Variants in MRM1 observed in about 807,000 individuals in gnomAD.
MRM1 encodes mitochondrial rRNA methyltransferase 1.
MRM1 carries 24 observed loss-of-function variants against 25.0 expected under a neutral mutation model. The observed-to-expected ratio is 0.96, with a 90% CI of 0.69 to 1.35. The LOEUF is 1.35. MRM1 is among the 40% of genes most tolerant of loss of function. The probability of loss-of-function intolerance (pLI) is 0.00; values close to 1 mark genes in which losing one functional copy is unlikely to be tolerated. For synonymous variants in MRM1, 188 were observed against 199.2 expected (o/e 0.94, Z 0.47); for missense variants, 431 against 464.1 (o/e 0.93, Z 0.65).
the MRM1 span, among the ~76,000 whole-genome samples, chr17:36,627,311 G>A: frequency 6.6e-6 from 1 of 152,210 alleles, no homozygotes; most frequent in Non-Finnish European, 1.5e-5. Context: ...CCATGGCAAC[G>A]TGGCCCAGCC....
chr17:36,631,128 G>A, the MRM1 span, among the ~76,000 whole-genome samples: 156 of 152,358 alleles, frequency 1.0e-3, 2 homozygotes, highest in African/African-American at 3.6e-3. Context: ...AAACGTGAAC[G>A]GAGGTGGAGT....
chr17:36,626,210 G>A, the MRM1 span, among the ~76,000 whole-genome samples: 5 of 152,316 alleles, frequency 3.3e-5, no homozygotes, highest in Admixed American at 1.3e-4. Flanking sequence ...CAGGGCTGGA[G>A]GACTTGGGGA....
the MRM1 span, among the ~76,000 whole-genome samples, chr17:36,623,058 G>T: frequency 6.6e-6 from 1 of 152,230 alleles, no homozygotes; most frequent in South Asian, 2.1e-4. Flanking sequence ...CACGGGGTAT[G>T]TTCCCAGTTG....
chr17:36,608,391 G>T lies in MRM1; in HGVS notation c.1038G>T (p.Glu346Asp). The stretch of plus-strand genomic sequence containing the variant: ...ACCCAGGGCTGTCTTCAGGCCCAGA[G>T]AAAGAGAGGCAAAATGAGGGCTGAC... ...AQHPGLSSGP[E>D]KERQNEG The change falls in exon 5 of 5, where the codon GAG becomes GAT. Residue 346 changes from glutamate to aspartate, a missense_variant. Glu to Asp is a conservative substitution (Grantham distance 45). Transcript: ENST00000614766. 8 of 1,580,880 alleles carry T rather than the reference G, an allele frequency of 5.1e-6. No individual in the cohort carries two copies. The highest frequency in any genetic ancestry group is 1.9e-5 in the Admixed American group (1 of 53,422).
downstream of MRM1, among the ~76,000 whole-genome samples, chr17:36,610,725 AAGG>A (rs778698191): frequency 6.6e-6 from 1 of 152,212 alleles, no homozygotes; most frequent in Admixed American, 6.5e-5. Context: ...CATTGGGGTC[AAGG>A]AGGAGAATAT....
At chr17:36,628,717 CTT>C in the MRM1 span, among the ~76,000 whole-genome samples, 2 of 152,176 alleles carry the variant, frequency 1.3e-5, no homozygotes, top group Non-Finnish European at 2.9e-5. Flanking sequence ...GCAGCTGACA[CTT>C]TGCTGAGTGC....
At chr17:36,632,427 C>T in the MRM1 span, among the ~76,000 whole-genome samples, 1 of 152,112 alleles carries the variant, frequency 6.6e-6, no homozygotes. Flanking sequence ...CTTGGCCAGG[C>T]TGGGTTCAAA....
chr17:36,632,075 G>A, the MRM1 span, among the ~76,000 whole-genome samples: 1 of 151,618 alleles, frequency 6.6e-6, no homozygotes, highest in Non-Finnish European at 1.5e-5. Flanking sequence ...GGCTGGTCTC[G>A]AACTCTTGAC....
At chr17:36,613,255 C>G (rs536265852), downstream of MRM1, among the ~76,000 whole-genome samples, 1,242 of 152,142 alleles carry the variant, frequency 8.2e-3, 9 homozygotes, top group Non-Finnish European at 0.01. Flanking sequence ...CCCGCTTTGC[C>G]GACACACATA....
chr17:36,631,447 C>T, the MRM1 span, among the ~76,000 whole-genome samples: 23 of 152,352 alleles, frequency 1.5e-4, no homozygotes, highest in Admixed American at 1.4e-3. Context: ...TCCATCTTTC[C>T]TGCGGGTTTG....
chr17:36,607,726 G>A lies in MRM1; in HGVS notation c.693G>A (p.Glu231=). The A allele has an allele frequency of 1.2e-6, 2 of 1,614,168 alleles. No homozygotes were observed. The highest frequency in any genetic ancestry group is 1.7e-6 in the Non-Finnish European group (2 of 1,180,018). The change falls in exon 3 of 5, where the codon GAG becomes GAA. Residue 231 remains glutamate (E), a synonymous_variant. Transcript: ENST00000614766. ...GCACGGTGGGCTGCCCAAGCACAGA[G>A]GATCCCCAGTCCTCCGAGATCCCCA... The part of the protein sequence containing the change: ...VAGTVGCPST[E]DPQSSEIPIM...
Position 36,601,994 on chromosome 17 carries a change from C to CT in MRM1, c.185dup (p.Gln63AlafsTer16), listed in dbSNP as rs1418203691. ...TGGCATGACCCCGTGTCTCCTGGCT[C>CT]TGCAGGCCGCCCGCCGCTCTGTGGC... On this transcript the variant is annotated frameshift_variant, in exon 1 of 5. Coordinates refer to ENST00000614766, the MANE Select transcript of MRM1 (RefSeq NM_024864.5). LOFTEE classifies it high-confidence loss of function. 6 of 1,610,218 alleles carry CT rather than the reference C, an allele frequency of 3.7e-6. No homozygotes were observed. The highest frequency in any genetic ancestry group is 5.1e-6 in the Non-Finnish European group (6 of 1,179,112).
At chr17:36,632,781 A>G in the MRM1 span, among the ~76,000 whole-genome samples, 1 of 152,164 alleles carries the variant, frequency 6.6e-6, no homozygotes, top group Non-Finnish European at 1.5e-5. Flanking sequence ...GGGAGATTCC[A>G]AGAAGGCTTT....
At chr17:36,606,908 G>GTTTT (rs1476948244) in intron 2 of MRM1, among the ~76,000 whole-genome samples, 14,478 of 140,996 alleles carry the variant, frequency 0.1, 1,209 homozygotes, top group Admixed American at 0.25. Flanking sequence ...ACTGCGCCTG[G>GTTTT]TTTTTTGTTT....
In MRM1 at chr17:36,602,224, C is replaced by T; in HGVS notation, c.414C>T (p.Ser138=). ...PRPWREAGEA[S]PGDDPQQLWL... Reference sequence around the variant, plus strand: ...CTTGGAGAGAGGCCGGGGAGGCGAGCCCAGGCGACGACCCCCAGCAGTTGT... The same window carrying T: ...CTTGGAGAGAGGCCGGGGAGGCGAGTCCAGGCGACGACCCCCAGCAGTTGT... Residue 138 remains serine, a synonymous_variant, in exon 1 of 5, where the codon AGC becomes AGT. Coordinates refer to ENST00000614766, the MANE Select transcript of MRM1 (RefSeq NM_024864.5). The surrounding 1 kb of genome is among the most constrained non-coding windows in gnomAD (Gnocchi z 4.1). 3 of 1,610,372 alleles carry T rather than the reference C, an allele frequency of 1.9e-6. No individual in the cohort carries two copies. Among genetic ancestry groups the T allele is most frequent in the Non-Finnish European group, 2.5e-6 (3 of 1,177,916 alleles).
the MRM1 span, among the ~76,000 whole-genome samples, chr17:36,626,476 C>G: frequency 1.3e-5 from 2 of 152,142 alleles, no homozygotes; most frequent in African/African-American, 2.4e-5. Context: ...GATTCTCTTG[C>G]CTCAGCCTCC....
chr17:36,625,367 T>TC, the MRM1 span, among the ~76,000 whole-genome samples: 2 of 151,716 alleles, frequency 1.3e-5, no homozygotes, highest in Non-Finnish European at 2.9e-5. Flanking sequence ...TTCCTCTTCT[T>TC]TTTCTTCTTC....
chr17:36,614,980 A>G, the MRM1 span, among the ~76,000 whole-genome samples: 7 of 152,168 alleles, frequency 4.6e-5, no homozygotes, highest in Admixed American at 2.6e-4. Context: ...TCTGCCTCCC[A>G]GTTAATTGGC....
At chr17:36,625,339 G>A in the MRM1 span, among the ~76,000 whole-genome samples, 12 of 73,240 alleles carry the variant, frequency 1.6e-4, no homozygotes, top group Non-Finnish European at 2.5e-4. Flanking sequence ...CTTCTCCTTC[G>A]CCTTCTTCTT....
Sources: gnomAD v4.1 joint callset for allele counts (sites outside exome capture counted in the v4.1 genomes callset) on GRCh38, gnomAD v4.1.1 for gene constraint, Gnocchi (gnomAD v3.1) non-coding constraint, MANE v1.5 for transcripts, NCBI Gene and HGNC (gene_info 2026-07-23, HGNC 2026-07-21) for gene names.